ADARB2: variants seen among roughly 807,000 people sequenced by gnomAD.
ADARB2 encodes the protein inactive double-stranded RNA-specific editase B2.
In ADARB2, 25 loss-of-function variants were observed where a neutral mutation model predicts 62.2. That is an observed-to-expected ratio of 0.40 (90% CI 0.29 to 0.56). ADARB2 has a LOEUF of 0.56. ADARB2 is among the 20% of genes least tolerant of loss of function. ADARB2 has a pLI of 0.43. For missense variants in ADARB2, 1,071 were observed against 1,077.4 expected (o/e 0.99, Z 0.08); for synonymous variants, 572 against 500.8 (o/e 1.14, Z -1.90).
intron 3 of ADARB2, among the ~76,000 whole-genome samples, chr10:1,310,504 C>T (rs955382709): frequency 6.6e-6 from 1 of 152,202 alleles, no homozygotes; most frequent in Non-Finnish European, 1.5e-5. Context: ...ACTTTCTAAG[C>T]CCTGGAGGCC....
chr10:1,551,202 G>T (rs1050758510), intron 1 of ADARB2, among the ~76,000 whole-genome samples: 1 of 152,198 alleles, frequency 6.6e-6, no homozygotes, highest in African/African-American at 2.4e-5. Flanking sequence ...CCATCTGCAA[G>T]CCATGGAGAG....
chr10:1,271,013 C>T lies in ADARB2; in HGVS notation c.1134G>A (p.Thr378=), dbSNP rs376318692. The T allele has an allele frequency of 9.2e-5, 148 of 1,613,754 alleles. No homozygotes were observed. The highest frequency in any genetic ancestry group is 1.5e-4 in the Admixed American group (9 of 59,994). The change falls in exon 4 of 10, where the codon ACG becomes ACA. Residue 378 remains threonine, a synonymous_variant. Coordinates refer to ENST00000381312, the MANE Select transcript of ADARB2 (RefSeq NM_018702.4). ...GGCGGGCGTGCATGGGCGTGAGGTC[C>T]GTCGTCACCTCGCGGAACTTCTGTG... ...LVTQKFREVT[T]DLTPMHARHK...
chr10:1,726,089 C>A (rs369252779), intron 1 of ADARB2, among the ~76,000 whole-genome samples: 1 of 152,176 alleles, frequency 6.6e-6, no homozygotes, highest in Non-Finnish European at 1.5e-5. Context: ...AATACTATTA[C>A]GGGTAAGGAT....
chr10:1,728,137 T>G (rs997385902), intron 1 of ADARB2, among the ~76,000 whole-genome samples: 8 of 152,230 alleles, frequency 5.3e-5, no homozygotes, highest in South Asian at 2.1e-4. Flanking sequence ...CCAATGTGGT[T>G]GTTGTTTCTC....
At chr10:1,467,417 C>G (rs1831267064) in intron 1 of ADARB2, among the ~76,000 whole-genome samples, 1 of 152,184 alleles carries the variant, frequency 6.6e-6, no homozygotes, top group Non-Finnish European at 1.5e-5. Context: ...CTCCCCATCT[C>G]CTTCTCAGTT....
At chr10:1,610,606 C>T (rs545777674) in intron 1 of ADARB2, among the ~76,000 whole-genome samples, 1 of 152,274 alleles carries the variant, frequency 6.6e-6, no homozygotes, top group Admixed American at 6.5e-5. Flanking sequence ...GGGGCTTCCT[C>T]GTCAGAGCCC....
In ADARB2 at chr10:1,243,785, C is replaced by T. The variant is rs912855215; in HGVS notation, c.1193-1486G>A. ...AGGCAAAGCGGTCTAGCACAGCCCC[C>T]GCCTCCTGCCCATGTCCACTGCTCT... On this transcript the variant is annotated intron_variant, in intron 4 of 9. Transcript: ENST00000381312. Among the ~76,000 whole-genome samples, 13 of 152,334 alleles carry T rather than the reference C, an allele frequency of 8.5e-5. No individual in the cohort carries two copies. The South Asian group carries it at 2.3e-3, about 27-fold the overall frequency.
rs753054298 is a variant in ADARB2, at chr10:1,737,042, G to A, written c.100+9C>T. 6 of 1,609,702 alleles carry A rather than the reference G, an allele frequency of 3.7e-6. No homozygotes were observed. Among genetic ancestry groups the A allele is most frequent in the Middle Eastern group, 1.7e-4 (1 of 6,046 alleles). On this transcript the variant is annotated intron_variant, in intron 1 of 9. Transcript: ENST00000381312. ...GGGGGCAGGGGCCGGCGCGCCACGC[G>A]GTCCTTACCTTTCCGCTTGGACCTC...
intron 6 of ADARB2, among the ~76,000 whole-genome samples, chr10:1,232,184 CACCGCACACAT>C (rs1159603386): frequency 2.0e-5 from 3 of 149,660 alleles, no homozygotes; most frequent in South Asian, 2.1e-4. Flanking sequence ...ACCGCACACA[CACCGCACACAT>C]AGCACACACA....
chr10:1,210,331 C>T (rs1837134060), intron 7 of ADARB2, among the ~76,000 whole-genome samples: 1 of 152,252 alleles, frequency 6.6e-6, no homozygotes, highest in Non-Finnish European at 1.5e-5. Context: ...ACATTAATCT[C>T]ATGGCTGCTC....
intron 1 of ADARB2, among the ~76,000 whole-genome samples, chr10:1,674,471 C>T (rs769975114): frequency 2.6e-4 from 40 of 152,200 alleles, no homozygotes; most frequent in Middle Eastern, 3.2e-3. Context: ...CAATATTGAT[C>T]TGGCTTGTAG....
chr10:1,433,266 C>T (rs1053431824), intron 1 of ADARB2, among the ~76,000 whole-genome samples: 7 of 152,104 alleles, frequency 4.6e-5, no homozygotes, highest in African/African-American at 1.7e-4. Flanking sequence ...TGGGGTCTCT[C>T]GTGTGTGCCC....
rs1386040782 is a variant in ADARB2 at position 1,363,069 on chromosome 10, C to T, written c.1036G>A (p.Gly346Ser). Residue 346 changes from glycine (G) to serine (S), a missense_variant, in exon 3 of 10, where the codon GGC becomes AGC. By Grantham distance (56) the Gly-to-Ser change is moderately conservative. Transcript: ENST00000381312. ...LQELFDIQMP[G>S]HAPGRARRTP... is the part of the protein sequence containing the mutation. ...CTCCTGGCCCTGCCGGGCGCGTGGC[C>T]GGGCATCTGGATGTCGAACAGCTCC... is the stretch of plus-strand genomic sequence containing the variant. 14 of 1,455,842 alleles carry T rather than the reference C, an allele frequency of 9.6e-6. No homozygotes were observed. Among genetic ancestry groups the T allele is most frequent in the Non-Finnish European group, 1.2e-5 (13 of 1,107,252 alleles). The allele number at this position is 1,455,842 out of a possible 1,614,324, so 90.2% of individuals were successfully genotyped here. A position where few individuals can be genotyped will look rare whatever the true frequency, so the allele number is the denominator to read the frequency against.
At chr10:1,591,725 G>A (rs901012197) in intron 1 of ADARB2, among the ~76,000 whole-genome samples, 1 of 152,092 alleles carries the variant, frequency 6.6e-6, no homozygotes, top group Admixed American at 6.5e-5. Context: ...CTTGTTGGAC[G>A]AGGTGGCAGA....
intron 3 of ADARB2, among the ~76,000 whole-genome samples, chr10:1,307,728 T>C (rs376913503): frequency 4.4e-5 from 4 of 90,274 alleles, no homozygotes; most frequent in African/African-American, 7.9e-5. Context: ...GGCACATATA[T>C]ACCATGGAAT....
intron 1 of ADARB2, among the ~76,000 whole-genome samples, chr10:1,524,099 T>C (rs924052292): frequency 2.0e-5 from 3 of 151,840 alleles, no homozygotes; most frequent in Non-Finnish European, 4.4e-5. Flanking sequence ...GATAGATAGA[T>C]AGATTAGAGA....
chr10:1,519,238 A>G (rs925624209), intron 1 of ADARB2, among the ~76,000 whole-genome samples: 2 of 147,912 alleles, frequency 1.4e-5, no homozygotes, highest in Non-Finnish European at 3.0e-5. Context: ...GGTCACATGC[A>G]TGCATTCCAT....
At chr10:1,310,087 C>T (rs890704933) in intron 3 of ADARB2, among the ~76,000 whole-genome samples, 1 of 152,248 alleles carries the variant, frequency 6.6e-6, no homozygotes, top group Admixed American at 6.5e-5. Flanking sequence ...CTTGATTTCA[C>T]CAAAGTCTCT....
intron 1 of ADARB2, among the ~76,000 whole-genome samples, chr10:1,523,237 TA>T (rs1358965425): frequency 6.6e-6 from 1 of 152,208 alleles, no homozygotes; most frequent in Non-Finnish European, 1.5e-5. Context: ...TTAATAATGA[TA>T]ACAAATGGTT....
Sources: gnomAD v4.1 joint callset for allele counts (sites outside exome capture counted in the v4.1 genomes callset) on GRCh38, gnomAD v4.1.1 for gene constraint, MANE v1.5 for transcripts, NCBI Gene and HGNC (gene_info 2026-07-23, HGNC 2026-07-21) for gene names.